OSBPL11: variants seen among roughly 807,000 people sequenced by gnomAD.
OSBPL11 encodes oxysterol binding protein like 11.
A neutral mutation model predicts 84.4 loss-of-function variants in OSBPL11; 33 were observed. The observed-to-expected ratio is 0.39, with a 90% confidence interval of 0.30 to 0.52. The LOEUF (loss-of-function observed/expected upper bound fraction) is 0.52, where lower values mean the gene tolerates loss of function less well. OSBPL11 is among the 20% of genes least tolerant of loss of function. The pLI, the probability that OSBPL11 is intolerant of heterozygous loss-of-function variation, is 0.72. For synonymous variants in OSBPL11, 276 were observed against 310.2 expected (o/e 0.89, Z 1.16); for missense variants, 736 against 901.1 (o/e 0.82, Z 2.35).
intron 11 of OSBPL11, 55 bp from the exon 12 acceptor site, chr3:125,532,069 T>C: frequency 6.7e-7 from 1 of 1,502,542 alleles, no homozygotes; most frequent in Non-Finnish European, 9.0e-7. Context: ...GATAATTAAA[T>C]AGAATCAATA....
intron 11 of OSBPL11, among the ~76,000 whole-genome samples, chr3:125,534,951 G>GAAAAA (rs56164804): frequency 1.7e-4 from 11 of 64,652 alleles, no homozygotes; most frequent in African/African-American, 5.3e-4. Context: ...TAAGAAATTA[G>GAAAAA]AAAAAAAAAA....
In OSBPL11 at chr3:125,542,357, T is replaced by A. The variant is rs368483621; in HGVS notation, c.1842-3724A>T. ...CTTTCTTTTTTTTTTGAGATGCAGT[T>A]CCGTTCTTGTGGAGTGCAATGGTGC... On this transcript the variant is annotated intron_variant, in intron 10 of 12. Coordinates refer to ENST00000296220, the MANE Select transcript of OSBPL11 (RefSeq NM_022776.5). Among the ~76,000 whole-genome samples, 20 of 151,952 alleles carry A rather than the reference T, an allele frequency of 1.3e-4. 1 individual carries two copies. In the South Asian group the frequency reaches 2.5e-3, roughly 19 times the overall value.
Position 125,552,205 on chromosome 3 carries a change from T to C in OSBPL11, c.1630A>G (p.Ile544Val). 3 of 1,608,008 alleles carry C rather than the reference T, an allele frequency of 1.9e-6. No individual in the cohort carries two copies. Among genetic ancestry groups the C allele is most frequent in the South Asian group, 2.2e-5 (2 of 89,532 alleles). The change falls in exon 9 of 13, where the codon ATA (isoleucine) becomes GTA (valine). Residue 544 changes from isoleucine (I) to valine (V), a missense_variant. Around this residue, in one of 3 missense-constraint regions of OSBPL11, gnomAD observed 579 missense variants for 717.6 expected, o/e 0.81. Transcript: ENST00000296220. ...CCTTCTCCAACCATTGTCACGCCTA[T>C]TGACATGCCTAAGAACTTGCTCTTA... ...WTKSKFLGMS[I>V]GVTMVGEGIL... is the part of the protein sequence containing the mutation.
intron 6 of OSBPL11, among the ~76,000 whole-genome samples, chr3:125,565,136 T>C (rs918010156): frequency 2.0e-5 from 3 of 152,266 alleles, no homozygotes; most frequent in African/African-American, 4.8e-5. Flanking sequence ...TCCTAGCTAC[T>C]TGGGGGGCTA....
chr3:125,558,949 A>G (rs1332531249), intron 8 of OSBPL11, among the ~76,000 whole-genome samples: 3 of 152,210 alleles, frequency 2.0e-5, no homozygotes, highest in Non-Finnish European at 4.4e-5. Context: ...TCTTCAGATC[A>G]CACTTAAAGA....
intron 8 of OSBPL11, among the ~76,000 whole-genome samples, chr3:125,556,786 C>G (rs1482877685): frequency 6.6e-6 from 1 of 151,938 alleles, no homozygotes; most frequent in African/African-American, 2.4e-5. Context: ...AAAACTATAG[C>G]AAAAAGTAGA....
At chr3:125,587,267 C>T (rs1213115881) in intron 1 of OSBPL11, among the ~76,000 whole-genome samples, 1 of 152,152 alleles carries the variant, frequency 6.6e-6, no homozygotes, top group Non-Finnish European at 1.5e-5. Context: ...CTCAGATTTC[C>T]AGCTGGAACA....
At position 125,560,487 on chromosome 3, in the gene OSBPL11, T is replaced by C. The variant is rs1201483672; in HGVS notation, c.1047A>G (p.Ile349Met). Residue 349 changes from isoleucine (I) to methionine (M), a missense_variant, in exon 8 of 13, where the codon ATA (isoleucine) becomes ATG (methionine). By Grantham distance (10) the Ile-to-Met change is conservative. Around this residue, in one of 3 missense-constraint regions of OSBPL11, gnomAD observed 579 missense variants for 717.6 expected, o/e 0.81. Coordinates refer to ENST00000296220, the MANE Select transcript of OSBPL11 (RefSeq NM_022776.5). ...CCTCTTTGTGGTCACATGTATCCTC[T>C]ATCTCATCATCTGCATTTATTTCTT... is the stretch of plus-strand genomic sequence containing the variant. ...EPEEINADDE[I>M]EDTCDHKEDD... 2 of 1,593,286 alleles carry C rather than the reference T, an allele frequency of 1.3e-6. No individual in the cohort carries two copies. The highest frequency in any genetic ancestry group is 2.3e-5 in the East Asian group (1 of 44,166).
At chr3:125,547,887 T>TC (rs1212031023) in intron 9 of OSBPL11, among the ~76,000 whole-genome samples, 2 of 152,152 alleles carry the variant, frequency 1.3e-5, no homozygotes, top group Non-Finnish European at 2.9e-5. Flanking sequence ...AAAAATAATT[T>TC]TTTTTTTGAG....
At chr3:125,591,995 T>C (rs1202619877) in intron 1 of OSBPL11, among the ~76,000 whole-genome samples, 1 of 152,046 alleles carries the variant, frequency 6.6e-6, no homozygotes, top group African/African-American at 2.4e-5. Context: ...GAGAGAGACC[T>C]TGTCTCAAAA....
At chr3:125,543,170 T>C (rs1350169976) in intron 10 of OSBPL11, among the ~76,000 whole-genome samples, 1 of 136,462 alleles carries the variant, frequency 7.3e-6, no homozygotes, top group Non-Finnish European at 1.5e-5. Context: ...CTCACTCTGT[T>C]GCCCAGGCTG....
chr3:125,589,986 A>G (rs1013697754), intron 1 of OSBPL11, among the ~76,000 whole-genome samples: 1 of 152,238 alleles, frequency 6.6e-6, no homozygotes, highest in Non-Finnish European at 1.5e-5. Context: ...CCTCTTTTGA[A>G]TAGTTCTCTT....
At chr3:125,584,781 A>T (rs918264181) in intron 1 of OSBPL11, among the ~76,000 whole-genome samples, 4 of 152,190 alleles carry the variant, frequency 2.6e-5, no homozygotes, top group African/African-American at 9.7e-5. Flanking sequence ...AATAAACAAA[A>T]TACATCATCT....
chr3:125,545,618 ATGTGTG>A (rs111370155), intron 10 of OSBPL11, among the ~76,000 whole-genome samples: 1 of 151,550 alleles, frequency 6.6e-6, no homozygotes, highest in Non-Finnish European at 1.5e-5. Context: ...ATATGTATAT[ATGTGTG>A]TGTGTGTGCG....
chr3:125,581,096 ATT>A (rs145570813), intron 2 of OSBPL11, among the ~76,000 whole-genome samples: 7 of 146,706 alleles, frequency 4.8e-5, no homozygotes, highest in South Asian at 2.2e-4. Context: ...TAGTGTAATA[ATT>A]TTTTTTTTTT....
At chr3:125,561,455 A>G (rs1936078195) in intron 7 of OSBPL11, among the ~76,000 whole-genome samples, 1 of 152,256 alleles carries the variant, frequency 6.6e-6, no homozygotes, top group South Asian at 2.1e-4. Flanking sequence ...ACTGAGAGTC[A>G]AAAACTTGGG....
intron 9 of OSBPL11, among the ~76,000 whole-genome samples, chr3:125,551,369 C>T (rs1013494918): frequency 1.3e-5 from 2 of 151,328 alleles, no homozygotes; most frequent in South Asian, 2.1e-4. Context: ...CATACACACA[C>T]AGAAAAAGTA....
intron 9 of OSBPL11, among the ~76,000 whole-genome samples, chr3:125,548,144 G>A (rs893608187): frequency 2.6e-5 from 4 of 152,142 alleles, no homozygotes; most frequent in South Asian, 2.1e-4. Flanking sequence ...CTCCCAAAAC[G>A]CTGGGATTAC....
chr3:125,550,368 G>A (rs938771485), intron 9 of OSBPL11, among the ~76,000 whole-genome samples: 7 of 128,922 alleles, frequency 5.4e-5, no homozygotes, highest in African/African-American at 1.0e-4. Flanking sequence ...CAGCTAGACC[G>A]TGTCACACAC....
Sources: allele counts gnomAD v4.1 joint callset (sites outside exome capture counted in the v4.1 genomes callset), GRCh38; gene constraint gnomAD v4.1.1; regional missense constraint gnomAD v4.1.1; transcripts MANE v1.5; gene names NCBI Gene and HGNC (gene_info 2026-07-23, HGNC 2026-07-21).